The following DDHD1 variants were observed in gnomAD, a reference collection of about 807,000 sequenced individuals.
The protein encoded by DDHD1 is DDHD domain containing 1.
Under a neutral mutation model 96.4 loss-of-function variants are expected in DDHD1, and 49 were observed. That is an observed-to-expected ratio of 0.51 (90% CI 0.40 to 0.64). The LOEUF (loss-of-function observed/expected upper bound fraction) is 0.64, where lower values mean the gene tolerates loss of function less well. DDHD1 is among the 30% of genes least tolerant of loss of function. The probability of loss-of-function intolerance (pLI) is 0.00; values close to 1 mark genes in which losing one functional copy is unlikely to be tolerated. For synonymous variants in DDHD1, 442 were observed against 446.5 expected, an observed-to-expected ratio of 0.99 and a Z score of 0.13; for missense variants, 1,106 against 1,161.2, an observed-to-expected ratio of 0.95 and a Z score of 0.69.
In DDHD1 at chr14:53,054,520, C is replaced by T. The variant is rs1158713153; in HGVS notation, c.2355G>A (p.Lys785=). Reference sequence around the variant, plus strand: ...TAGCAGAAGGTGAGGCAACTGGCTTCTTCTCATCTTCCATTGAGTCTTTTG... The same window carrying T: ...TAGCAGAAGGTGAGGCAACTGGCTTTTTCTCATCTTCCATTGAGTCTTTTG... ...ETSKDSMEDE[K]KPVASPSATT... Residue 785 remains lysine (K), a synonymous_variant, in exon 11 of 13, where the codon AAG becomes AAA. Transcript: ENST00000673822. 1 of 1,614,182 alleles carries T rather than the reference C, an allele frequency of 6.2e-7. No homozygotes were observed.
chr14:53,081,855 GA>G (rs1437785185), intron 4 of DDHD1, among the ~76,000 whole-genome samples: 2 of 142,502 alleles, frequency 1.4e-5, no homozygotes, highest in African/African-American at 5.2e-5. Flanking sequence ...TGACTGTTAA[GA>G]AAAAAAAGAA....
chr14:53,121,691 C>T (rs8016324), intron 1 of DDHD1, among the ~76,000 whole-genome samples: 38,770 of 151,924 alleles, frequency 0.26, 5,782 homozygotes, highest in South Asian at 0.42. Context: ...AACCAAATAC[C>T]CCATGTTCTC....
chr14:53,051,605 G>A (rs1289668080), intron 12 of DDHD1, among the ~76,000 whole-genome samples: 1 of 151,982 alleles, frequency 6.6e-6, no homozygotes, highest in Admixed American at 6.6e-5. Flanking sequence ...TTCCTTCTTT[G>A]TAGAAGTATA....
At chr14:53,100,538 G>A (rs1018651007) in intron 2 of DDHD1, among the ~76,000 whole-genome samples, 1 of 152,092 alleles carries the variant, frequency 6.6e-6, no homozygotes, top group African/African-American at 2.4e-5. Flanking sequence ...TTTTATTAAA[G>A]GGACTTGGAT....
intron 2 of DDHD1, chr14:53,096,131 C>T (rs901381177): frequency 1.2e-5 from 12 of 984,662 alleles, no homozygotes; most frequent in African/African-American, 5.2e-5. Flanking sequence ...GGAATGCTTT[C>T]GTTTAAGACC....
chr14:53,134,601 A>AAG (rs1180313534), intron 1 of DDHD1, among the ~76,000 whole-genome samples: 1 of 151,602 alleles, frequency 6.6e-6, no homozygotes, highest in Non-Finnish European at 1.5e-5. Flanking sequence ...CACTGCTAAA[A>AAG]AAAAAAAAAA....
chr14:53,051,707 C>T (rs1266871495), intron 12 of DDHD1, 137 bp downstream of exon 12: 2 of 654,250 alleles, frequency 3.1e-6, no homozygotes, highest in Non-Finnish European at 4.9e-6. Context: ...GATGAAAATA[C>T]ACATAAAATA....
intron 4 of DDHD1, among the ~76,000 whole-genome samples, chr14:53,088,758 CA>C (rs1412152302): frequency 1.3e-5 from 2 of 152,140 alleles, no homozygotes; most frequent in African/African-American, 4.8e-5. Flanking sequence ...TGAAAACTGG[CA>C]CAACACAGGG....
At position 53,043,741 on chromosome 14, in the gene DDHD1, T is replaced by G. The variant is rs1211402096; in HGVS notation, c.*3027A>C. The G allele has an allele frequency of 6.6e-6, 1 of 152,244 alleles. No individual in the cohort carries two copies. The highest frequency in any genetic ancestry group is 1.5e-5 in the Non-Finnish European group (1 of 68,050). The allele number at this position is 152,244 out of a possible 1,614,324, so 9.4% of individuals were successfully genotyped here. On this transcript the variant is annotated 3_prime_UTR_variant, in exon 13 of 13. Transcript: ENST00000673822. Reference sequence around the variant, plus strand: ...CCACACCTGGCCAAAATCCAGTATATTTTTAAATTATGTCCTAAAACACAG... The same window carrying G: ...CCACACCTGGCCAAAATCCAGTATAGTTTTAAATTATGTCCTAAAACACAG...
At chr14:53,087,813 G>A (rs1019531790) in intron 4 of DDHD1, among the ~76,000 whole-genome samples, 1 of 152,104 alleles carries the variant, frequency 6.6e-6, no homozygotes, top group Non-Finnish European at 1.5e-5. Flanking sequence ...ACTAAGATCA[G>A]AGCAGAACTG....
chr14:53,038,372 T>A lies in DDHD1; in HGVS notation c.*8396A>T, dbSNP rs1380543100. ...AATTAGGAGCATTTCTATACACCAA[T>A]AACGTTCAAGCTGAGAGCAAATCAA... On this transcript the variant is annotated 3_prime_UTR_variant, in exon 13 of 13. Transcript: ENST00000673822. The A allele has an allele frequency of 6.6e-6, 1 of 151,998 alleles. No individual in the cohort carries two copies. The highest frequency in any genetic ancestry group is 2.4e-5 in the African/African-American group (1 of 41,382). 9.4% of individuals were successfully genotyped at this position (151,998 alleles called of 1,614,324 possible). A position where few individuals can be genotyped will look rare whatever the true frequency, so the allele number is the denominator to read the frequency against.
At position 53,063,052 on chromosome 14, in the gene DDHD1, C is replaced by T. The variant is rs1372006908; in HGVS notation, c.1657G>A (p.Val553Ile). The change falls in exon 7 of 13, where the codon GTT (valine) becomes ATT (isoleucine). Residue 553 changes from valine (V) to isoleucine (I), a missense_variant. Val to Ile is a conservative substitution (Grantham distance 29, BLOSUM62 3). This residue lies in a region of DDHD1 where 650 missense variants were observed against 758.8 expected (regional missense o/e 0.86). Coordinates refer to ENST00000673822, the MANE Select transcript of DDHD1 (RefSeq NM_001160148.2). ...TYDIMTGWNP[V>I]RLYEQLLQKE... ...TGCAGCAACTGTTCATACAGCCGAA[C>T]TGGATTCCAGCCAGTCATTATGTCA... 1 of 1,613,948 alleles carries T rather than the reference C, an allele frequency of 6.2e-7. No individual in the cohort carries two copies. The highest frequency in any genetic ancestry group is 1.7e-5 in the Admixed American group (1 of 60,002).
rs1595187473 is a variant in DDHD1 at position 53,107,662 on chromosome 14, AC to A, written c.839-3807del. Among the ~76,000 whole-genome samples, 3 of 152,258 alleles carry A rather than the reference AC, an allele frequency of 2.0e-5. No homozygotes were observed. The East Asian group carries it at 5.8e-4, about 29-fold the overall frequency. On this transcript the variant is annotated intron_variant, in intron 1 of 12. Transcript: ENST00000673822. ...AAAAATTAGCCAGGCATGGTGGTAC[AC>A]ACCTATAGTCCCAGCTACTTGGGAG...
At chr14:53,125,862 C>T (rs1000779910) in intron 1 of DDHD1, among the ~76,000 whole-genome samples, 3 of 152,038 alleles carry the variant, frequency 2.0e-5, no homozygotes, top group Admixed American at 1.3e-4. Context: ...CTACCATGCC[C>T]GGCTAATTTT....
At chr14:53,130,094 CCCAGGCTGCTCCTCG>C (rs1566593617) in intron 1 of DDHD1, among the ~76,000 whole-genome samples, 2 of 152,150 alleles carry the variant, frequency 1.3e-5, no homozygotes, top group East Asian at 1.9e-4. Flanking sequence ...TCCCCTCCTC[CCCAGGCTGCTCCTCG>C]CCAGGCTGAG....
At chr14:53,120,668 GA>G (rs1441035750) in intron 1 of DDHD1, among the ~76,000 whole-genome samples, 1 of 152,140 alleles carries the variant, frequency 6.6e-6, no homozygotes, top group African/African-American at 2.4e-5. Context: ...TCTGATCTTT[GA>G]CAAACCTGAC....
Position 53,131,642 on chromosome 14 carries a change from G to C in DDHD1, c.838+20619C>G, listed in dbSNP as rs544075793. Among the ~76,000 whole-genome samples, 3 of 152,174 alleles carry C rather than the reference G, an allele frequency of 2.0e-5. No homozygotes were observed. The South Asian group carries it at 6.2e-4, about 32-fold the overall frequency. On this transcript the variant is annotated intron_variant, in intron 1 of 12. Transcript: ENST00000673822. Reference sequence around the variant, plus strand: ...CCATCAGTCTCAGCAACTTACCTGAGCTGTACTGCCGGAAGGCTTCAGGGA... The same window carrying C: ...CCATCAGTCTCAGCAACTTACCTGACCTGTACTGCCGGAAGGCTTCAGGGA...
At position 53,038,767 on chromosome 14, in the gene DDHD1, A is replaced by C. The variant is rs1881442283; in HGVS notation, c.*8001T>G. The C allele has an allele frequency of 6.6e-6, 1 of 152,224 alleles. No homozygotes were observed. Among genetic ancestry groups the C allele is most frequent in the Non-Finnish European group, 1.5e-5 (1 of 68,026 alleles). 9.4% of individuals were successfully genotyped at this position (152,224 alleles called of 1,614,324 possible). Reference sequence around the variant, plus strand: ...AAGCAGAAAGAACAAAGCCAGCAGCATCACACAGATGTGGCTTCAAACTAT... The same window carrying C: ...AAGCAGAAAGAACAAAGCCAGCAGCCTCACACAGATGTGGCTTCAAACTAT... On this transcript the variant is annotated 3_prime_UTR_variant, in exon 13 of 13. Transcript: ENST00000673822.
In DDHD1 at chr14:53,038,525, A is replaced by C. The variant is rs1881422993; in HGVS notation, c.*8243T>G. On this transcript the variant is annotated 3_prime_UTR_variant, in exon 13 of 13. Coordinates refer to ENST00000673822, the MANE Select transcript of DDHD1 (RefSeq NM_001160148.2). ...GCAGAAAGAAATCAGGGATGAAACC[A>C]AAAAATGGAAAAACATTCCATGTTC... The C allele has an allele frequency of 6.6e-6, 1 of 152,314 alleles. No homozygotes were observed. The highest frequency in any genetic ancestry group is 6.5e-5 in the Admixed American group (1 of 15,288). 9.4% of individuals were successfully genotyped at this position (152,314 alleles called of 1,614,324 possible).
Sources: allele counts gnomAD v4.1 joint callset (sites outside exome capture counted in the v4.1 genomes callset), GRCh38; gene constraint gnomAD v4.1.1; regional missense constraint gnomAD v4.1.1; transcripts MANE v1.5; gene names NCBI Gene and HGNC (gene_info 2026-07-23, HGNC 2026-07-21).